METTL15: variants seen among roughly 807,000 people sequenced by gnomAD.
The protein encoded by METTL15 is methyltransferase 15, mitochondrial 12S rRNA N4-cytidine, also known as 12S rRNA N(4)-cytidine methyltransferase METTL15.
Under a neutral mutation model 38.3 loss-of-function variants are expected in METTL15, and 34 were observed. That is an observed-to-expected ratio of 0.89 (90% CI 0.68 to 1.18). The LOEUF is 1.18. Among genes scored for constraint, METTL15 ranks in the 50% most tolerant of loss-of-function variants. The pLI is 0.00. For missense variants in METTL15, 438 were observed against 498.4 expected, an observed-to-expected ratio of 0.88 and a Z score of 1.15; for synonymous variants, 162 against 170.9, an observed-to-expected ratio of 0.95 and a Z score of 0.41.
At chr11:28,134,624 G>A (rs1403589943) in intron 3 of METTL15, 18 of 398,360 alleles carry the variant, frequency 4.5e-5, no homozygotes, top group Admixed American at 1.3e-4. Flanking sequence ...TTGGAAAAGC[G>A]GCAGTTAGGA....
chr11:28,398,340 T>C (rs1306354493), intron 5 of METTL15, among the ~76,000 whole-genome samples: 2 of 152,174 alleles, frequency 1.3e-5, no homozygotes, highest in Non-Finnish European at 2.9e-5. Flanking sequence ...CAGCATCTGT[T>C]GTTTCCTGAC....
At chr11:28,303,352 T>C (rs1474545999) in intron 6 of METTL15, among the ~76,000 whole-genome samples, 2 of 152,338 alleles carry the variant, frequency 1.3e-5, no homozygotes, top group Admixed American at 6.5e-5. Context: ...ATGCCAATTA[T>C]GTTTTGCTTA....
intron 5 of METTL15, among the ~76,000 whole-genome samples, chr11:28,367,102 T>C (rs995364700): frequency 2.0e-5 from 3 of 152,060 alleles, no homozygotes; most frequent in African/African-American, 7.2e-5. Flanking sequence ...GTCCAATGTT[T>C]CAGCTTTTCA....
chr11:28,329,073 T>C (rs761250190), intron 6 of METTL15, among the ~76,000 whole-genome samples: 1 of 152,168 alleles, frequency 6.6e-6, no homozygotes, highest in Non-Finnish European at 1.5e-5. Flanking sequence ...TGTTTTGTTC[T>C]GAGAGTTTTA....
chr11:28,421,176 C>T (rs764102311), intron 5 of METTL15, among the ~76,000 whole-genome samples: 20 of 151,812 alleles, frequency 1.3e-4, no homozygotes, highest in Non-Finnish European at 2.5e-4. Flanking sequence ...AATCCAACAC[C>T]GGAACAGAGC....
intron 6 of METTL15, among the ~76,000 whole-genome samples, chr11:28,463,748 T>A (rs1851234667): frequency 6.6e-6 from 1 of 151,872 alleles, no homozygotes; most frequent in Non-Finnish European, 1.5e-5. Context: ...AGACTACCTC[T>A]GGTCTCGGTG....
At position 28,113,454 on chromosome 11, in the gene METTL15, T is replaced by C. The variant is rs574443407; in HGVS notation, c.120T>C (p.Tyr40=). Residue 40 remains tyrosine (Y), a synonymous_variant, in exon 3 of 7, where the codon TAT becomes TAC. Transcript: ENST00000407364. ...PNRIHTTAEK[Y]REYEAREQTD... is the part of the protein sequence containing the mutation. Reference sequence around the variant, plus strand: ...GAATACATACTACAGCAGAAAAATATAGAGAATATGAAGCCCGGGAGCAAA... The same window carrying C: ...GAATACATACTACAGCAGAAAAATACAGAGAATATGAAGCCCGGGAGCAAA... The C allele has an allele frequency of 2.7e-5, 44 of 1,611,734 alleles. No homozygotes were observed. In the East Asian group the frequency reaches 6.2e-4, roughly 23 times the overall value.
chr11:28,359,908 T>G (rs763205275), intron 4 of METTL15, among the ~76,000 whole-genome samples: 3 of 152,294 alleles, frequency 2.0e-5, no homozygotes, highest in South Asian at 4.1e-4. Flanking sequence ...CTTGAGTGAT[T>G]TTTGAGAGGT....
At chr11:28,159,068 T>C (rs970633991) in intron 3 of METTL15, among the ~76,000 whole-genome samples, 2 of 152,156 alleles carry the variant, frequency 1.3e-5, no homozygotes, top group African/African-American at 4.8e-5. Context: ...CGACATTACT[T>C]TCTGCTGGCA....
intron 3 of METTL15, among the ~76,000 whole-genome samples, chr11:28,132,207 C>T (rs950434198): frequency 3.9e-5 from 6 of 152,044 alleles, no homozygotes; most frequent in Admixed American, 6.6e-5. Context: ...CTTGTAAAAA[C>T]GAACCTCTTT....
intron 3 of METTL15, chr11:28,122,249 AT>A (rs1398648802): frequency 1.1e-5 from 12 of 1,085,886 alleles, no homozygotes; most frequent in African/African-American, 3.4e-5. Flanking sequence ...CTTTGTTCAT[AT>A]CATGTTATAA....
intron 5 of METTL15, among the ~76,000 whole-genome samples, chr11:28,388,802 G>A (rs2133391075): frequency 6.6e-6 from 1 of 152,006 alleles, no homozygotes; most frequent in East Asian, 2.0e-4. Context: ...TTTAACATTA[G>A]GTATATCTCC....
intron 3 of METTL15, among the ~76,000 whole-genome samples, chr11:28,120,576 A>G (rs570527944): frequency 2.0e-5 from 3 of 152,094 alleles, no homozygotes; most frequent in African/African-American, 7.2e-5. Flanking sequence ...GCAAATTTCC[A>G]TGGGGTACGT....
intron 6 of METTL15, among the ~76,000 whole-genome samples, chr11:28,430,086 G>GC (rs1372107742): frequency 2.0e-5 from 3 of 148,368 alleles, no homozygotes; most frequent in African/African-American, 5.0e-5. Flanking sequence ...CTGCCCGGCC[G>GC]CCCTGTCTGA....
At chr11:28,491,913 A>T (rs1204767361) in intron 6 of METTL15, among the ~76,000 whole-genome samples, 2 of 152,014 alleles carry the variant, frequency 1.3e-5, no homozygotes, top group Non-Finnish European at 2.9e-5. Context: ...CCGATAATCT[A>T]CCTTAGTTTC....
chr11:28,257,391 T>A (rs182943014), intron 4 of METTL15, among the ~76,000 whole-genome samples: 11 of 152,326 alleles, frequency 7.2e-5, no homozygotes, highest in Admixed American at 2.6e-4. Context: ...ATCTGTTTGG[T>A]GTTCTATAAC....
chr11:28,156,429 A>G (rs973655007), intron 3 of METTL15, among the ~76,000 whole-genome samples: 3 of 152,186 alleles, frequency 2.0e-5, no homozygotes, highest in Non-Finnish European at 4.4e-5. Flanking sequence ...ATTTAGTTCA[A>G]AATGCCATAA....
At chr11:28,483,428 A>T (rs1180068110) in intron 6 of METTL15, among the ~76,000 whole-genome samples, 1 of 152,204 alleles carries the variant, frequency 6.6e-6, no homozygotes, top group Non-Finnish European at 1.5e-5. Context: ...ACTGATCAAG[A>T]GCCTGAGCTG....
chr11:28,303,237 G>C (rs1856971345), intron 6 of METTL15, among the ~76,000 whole-genome samples: 1 of 152,116 alleles, frequency 6.6e-6, no homozygotes, highest in Admixed American at 6.6e-5. Context: ...TCAACTTGCT[G>C]TTTGTGTAAA....
Sources: allele counts gnomAD v4.1 joint callset (sites outside exome capture counted in the v4.1 genomes callset), GRCh38; gene constraint gnomAD v4.1.1; transcripts MANE v1.5; gene names NCBI Gene and HGNC (gene_info 2026-07-23, HGNC 2026-07-21).